GALNTL6: variants seen among roughly 807,000 people sequenced by gnomAD.
GALNTL6 encodes the protein polypeptide N-acetylgalactosaminyltransferase like 6, also known as polypeptide N-acetylgalactosaminyltransferase-like 6.
In GALNTL6, 46 loss-of-function variants were observed where a neutral mutation model predicts 73.7. That is an observed-to-expected ratio of 0.62 (90% CI 0.49 to 0.80). The LOEUF (loss-of-function observed/expected upper bound fraction) is 0.80, where lower values mean the gene tolerates loss of function less well. Among genes scored for constraint, GALNTL6 ranks in the 30% least tolerant of loss-of-function variants. The pLI, the probability that GALNTL6 is intolerant of heterozygous loss-of-function variation, is 0.00. For missense variants in GALNTL6, 604 were observed against 755.0 expected, an observed-to-expected ratio of 0.80 and a Z score of 2.34; for synonymous variants, 259 against 263.7, an observed-to-expected ratio of 0.98 and a Z score of 0.17.
At chr4:172,795,558 G>T (rs1740216568) in intron 5 of GALNTL6, among the ~76,000 whole-genome samples, 1 of 151,938 alleles carries the variant, frequency 6.6e-6, no homozygotes, top group African/African-American at 2.4e-5. Context: ...TAATTTTTGT[G>T]GTTACATAGT....
intron 7 of GALNTL6, among the ~76,000 whole-genome samples, chr4:172,833,383 T>G (rs1349426628): frequency 6.6e-6 from 1 of 152,176 alleles, no homozygotes; most frequent in Non-Finnish European, 1.5e-5. Context: ...AGCCCTTAAG[T>G]TGAAGAAAAA....
chr4:172,449,339 G>T (rs781196554), intron 5 of GALNTL6, among the ~76,000 whole-genome samples: 42 of 152,096 alleles, frequency 2.8e-4, no homozygotes, highest in Non-Finnish European at 1.3e-4. Context: ...TGAAGGTATA[G>T]ACCTCACCTT....
chr4:172,573,052 C>T (rs1409646847), intron 5 of GALNTL6, among the ~76,000 whole-genome samples: 2 of 152,084 alleles, frequency 1.3e-5, no homozygotes, highest in Non-Finnish European at 2.9e-5. Flanking sequence ...AGTGCAATTA[C>T]TATTATAATT....
chr4:172,677,523 C>A (rs1393330390), intron 5 of GALNTL6, among the ~76,000 whole-genome samples: 1 of 152,096 alleles, frequency 6.6e-6, no homozygotes, highest in African/African-American at 2.4e-5. Flanking sequence ...GACGATGGTT[C>A]TAGTCTTAAG....
At chr4:172,017,056 T>G (rs1289212552) in intron 2 of GALNTL6, among the ~76,000 whole-genome samples, 1 of 152,184 alleles carries the variant, frequency 6.6e-6, no homozygotes, top group Non-Finnish European at 1.5e-5. Flanking sequence ...GATTTAGGCT[T>G]CAGGCTAATA....
intron 2 of GALNTL6, among the ~76,000 whole-genome samples, chr4:171,954,806 G>A (rs1738994677): frequency 6.6e-6 from 1 of 152,062 alleles, no homozygotes; most frequent in South Asian, 2.1e-4. Context: ...TCTTGACAGT[G>A]AGTGAGTTCT....
rs962480869 is a variant in GALNTL6, at chr4:172,114,168, T to C, written c.139-115488T>C. Among the ~76,000 whole-genome samples, 5 of 152,150 alleles carry C rather than the reference T, an allele frequency of 3.3e-5. No homozygotes were observed. The East Asian group carries it at 9.7e-4, about 29-fold the overall frequency. ...TGAATGCAGAAAATACTTATGAGGG[T>C]TTAAAAGGGATGAAAGAGCCACATT... On this transcript the variant is annotated intron_variant, in intron 2 of 12. Transcript: ENST00000506823.
At chr4:172,883,377 C>G (rs747470526) in intron 8 of GALNTL6, among the ~76,000 whole-genome samples, 40 of 152,196 alleles carry the variant, frequency 2.6e-4, no homozygotes, top group Non-Finnish European at 4.4e-5. Context: ...CACAGTTCTG[C>G]AGGCTGCACA....
At chr4:172,167,965 C>CAAA (rs70941387) in intron 2 of GALNTL6, among the ~76,000 whole-genome samples, 3 of 113,936 alleles carry the variant, frequency 2.6e-5, no homozygotes, top group South Asian at 2.9e-4. Flanking sequence ...GACTCCGTCT[C>CAAA]AAAAAAAAAA....
At chr4:172,676,414 T>C (rs1385193844) in intron 5 of GALNTL6, among the ~76,000 whole-genome samples, 9 of 152,146 alleles carry the variant, frequency 5.9e-5, no homozygotes, top group Non-Finnish European at 1.2e-4. Context: ...TATTTCTTGT[T>C]CTAAGGATGT....
intron 9 of GALNTL6, among the ~76,000 whole-genome samples, chr4:172,944,758 G>A (rs1314192475): frequency 6.6e-6 from 1 of 152,108 alleles, no homozygotes; most frequent in Non-Finnish European, 1.5e-5. Flanking sequence ...TCATGTGATA[G>A]AATACAATAA....
intron 3 of GALNTL6, among the ~76,000 whole-genome samples, chr4:172,305,555 T>C (rs1740101290): frequency 6.6e-6 from 1 of 152,126 alleles, no homozygotes; most frequent in Admixed American, 6.5e-5. Flanking sequence ...TGTTAAATCC[T>C]CTGAGTATTA....
intron 2 of GALNTL6, among the ~76,000 whole-genome samples, chr4:172,120,640 G>A (rs1364153049): frequency 6.6e-6 from 1 of 151,790 alleles, no homozygotes. Flanking sequence ...TAACACACAA[G>A]AGTATGAACA....
At chr4:172,621,473 C>T (rs914626407) in intron 5 of GALNTL6, among the ~76,000 whole-genome samples, 4 of 152,114 alleles carry the variant, frequency 2.6e-5, no homozygotes, top group Non-Finnish European at 5.9e-5. Flanking sequence ...TCCAGGGTCC[C>T]CTAATTCTGT....
chr4:171,853,352 C>CTCCCCTTCTT (rs961475131), intron 2 of GALNTL6, among the ~76,000 whole-genome samples: 6 of 151,690 alleles, frequency 4.0e-5, no homozygotes, highest in African/African-American at 1.5e-4. Flanking sequence ...TCACACCTTC[C>CTCCCCTTCTT]TCCCCTTCTT....
intron 5 of GALNTL6, among the ~76,000 whole-genome samples, chr4:172,714,583 G>T (rs1734942807): frequency 6.6e-6 from 1 of 152,138 alleles, no homozygotes; most frequent in South Asian, 2.1e-4. Context: ...GAAAATTTAT[G>T]TAAAAATGTA....
chr4:172,837,297 A>T (rs1742960816), intron 7 of GALNTL6, among the ~76,000 whole-genome samples: 1 of 152,226 alleles, frequency 6.6e-6, no homozygotes, highest in African/African-American at 2.4e-5. Flanking sequence ...TATTCCCATG[A>T]TGCCAAACTC....
chr4:172,052,504 C>G, intron 2 of GALNTL6: 3 of 1,535,054 alleles, frequency 2.0e-6, no homozygotes, highest in Non-Finnish European at 2.6e-6. Flanking sequence ...TTAGTGCAGA[C>G]CACGGAGTGC....
At chr4:172,203,346 T>A (rs992811030) in intron 2 of GALNTL6, among the ~76,000 whole-genome samples, 1 of 152,196 alleles carries the variant, frequency 6.6e-6, no homozygotes, top group African/African-American at 2.4e-5. Flanking sequence ...GAGGTAAAAA[T>A]ACTTGTCAAA....
Sources: allele counts gnomAD v4.1 joint callset (sites outside exome capture counted in the v4.1 genomes callset), GRCh38; gene constraint gnomAD v4.1.1; transcripts MANE v1.5; gene names NCBI Gene and HGNC (gene_info 2026-07-23, HGNC 2026-07-21).